ZNF506: variants seen among roughly 807,000 people sequenced by gnomAD.
ZNF506 encodes the protein zinc finger protein 506.
Under a neutral mutation model 11.6 loss-of-function variants are expected in ZNF506, and 10 were observed. That is an observed-to-expected ratio of 0.86 (90% CI 0.53 to 1.46). The LOEUF is 1.46. Among genes scored for constraint, ZNF506 ranks in the 40% most tolerant of loss-of-function variants. ZNF506 has a pLI of 0.00. For missense variants in ZNF506, 425 were observed against 521.2 expected, an observed-to-expected ratio of 0.82 and a Z score of 1.80; for synonymous variants, 156 against 173.3, an observed-to-expected ratio of 0.90 and a Z score of 0.78.
chr19:19,796,111 G>A (rs375667596), intron 3 of ZNF506: 14 of 179,780 alleles, frequency 7.8e-5, no homozygotes, highest in Admixed American at 2.3e-4. Context: ...GTGAAACCCC[G>A]TCTCTACAAA....
intron 1 of ZNF506, among the ~76,000 whole-genome samples, chr19:19,810,896 G>A (rs1282275545): frequency 6.6e-6 from 1 of 151,948 alleles, no homozygotes; most frequent in East Asian, 1.9e-4. Flanking sequence ...AATCAGTTCT[G>A]TGAGGCAAGA....
At chr19:19,805,970 C>G in intron 3 of ZNF506, 61 bp downstream of exon 3, 1 of 1,394,288 alleles carries the variant, frequency 7.2e-7, no homozygotes, top group Non-Finnish European at 9.9e-7. Flanking sequence ...GACTCGCTTT[C>G]TCTTTGACCT....
rs1227600748 is a variant in ZNF506 at position 19,795,482 on chromosome 19, T to C, written c.405A>G (p.Gln135=). 1 of 1,595,526 alleles carries C rather than the reference T, an allele frequency of 6.3e-7. No homozygotes were observed. Among genetic ancestry groups the C allele is most frequent in the Non-Finnish European group, 8.5e-7 (1 of 1,173,368 alleles). ...TTTTTCTCTGGGTAGTTGCCAAACATTGTTTAAGTCCATTATAACCTCTTT... is the reference window on the plus strand; with the variant it reads ...TTTTTCTCTGGGTAGTTGCCAAACACTGTTTAAGTCCATTATAACCTCTTT... ...VHKRGYNGLK[Q]CLATTQRKIF... The change falls in exon 4 of 4, where the codon CAA becomes CAG. Residue 135 remains glutamine (Q), a synonymous_variant. Coordinates refer to ENST00000540806, the MANE Select transcript of ZNF506 (RefSeq NM_001099269.3).
chr19:19,814,532 G>T (rs1350293577), intron 1 of ZNF506, among the ~76,000 whole-genome samples: 1 of 151,952 alleles, frequency 6.6e-6, no homozygotes, highest in Admixed American at 6.6e-5. Flanking sequence ...AAGACACTGA[G>T]GCCTAGTTGA....
At chr19:19,814,181 G>T (rs2062908543) in intron 1 of ZNF506, among the ~76,000 whole-genome samples, 1 of 151,850 alleles carries the variant, frequency 6.6e-6, no homozygotes, top group South Asian at 2.1e-4. Flanking sequence ...GGCCAAGGGG[G>T]GTGGATCACA....
intron 1 of ZNF506, among the ~76,000 whole-genome samples, chr19:19,813,128 A>G (rs376688174): frequency 3.5e-4 from 53 of 152,168 alleles, no homozygotes; most frequent in Non-Finnish European, 1.3e-4. Flanking sequence ...TGGCCACATC[A>G]CCTGTCTTTA....
At chr19:19,802,483 TA>T (rs2062803334) in intron 3 of ZNF506, among the ~76,000 whole-genome samples, 3 of 151,940 alleles carry the variant, frequency 2.0e-5, no homozygotes, top group East Asian at 1.9e-4. Flanking sequence ...TATTGTTAAA[TA>T]AAAAATATAT....
At chr19:19,801,410 G>A (rs2062791252) in intron 3 of ZNF506, among the ~76,000 whole-genome samples, 1 of 151,392 alleles carries the variant, frequency 6.6e-6, no homozygotes. Flanking sequence ...CAGAAGAATC[G>A]CTTGAACCCA....
intron 3 of ZNF506, chr19:19,798,654 CAAAAAAAAAA>C (rs1169444252): frequency 1.5e-4 from 6 of 39,424 alleles, no homozygotes; most frequent in African/African-American, 2.0e-4. Context: ...GACTCCGTCT[CAAAAAAAAAA>C]AAAAAAAAAA....
intron 1 of ZNF506, among the ~76,000 whole-genome samples, chr19:19,807,352 A>G (rs1332724524): frequency 6.6e-6 from 1 of 152,232 alleles, no homozygotes; most frequent in Non-Finnish European, 1.5e-5. Context: ...TTTGAGTGGT[A>G]TATTTACATC....
rs199585964 is a variant in ZNF506 at position 19,795,578 on chromosome 19, A to C, written c.309T>G (p.Tyr103Ter). 6.3e-7 allele frequency: 1 copy of C among 1,586,252 alleles called. No homozygotes were observed. The highest frequency in any genetic ancestry group is 8.5e-7 in the Non-Finnish European group (1 of 1,169,994). ...DSFQKVILRR[Y>*]EKCRHDNLQL... ...GTAAATTGTCATGTCTACATTTTTCATATCTTCTTAGTATCACTTTTTGGA... is the reference window on the plus strand; with the variant it reads ...GTAAATTGTCATGTCTACATTTTTCCTATCTTCTTAGTATCACTTTTTGGA... Residue 103 changes from tyrosine (Y) to a stop codon, truncating the protein, a stop_gained, in exon 4 of 4, where the codon TAT (tyrosine) becomes TAG (stop). Transcript: ENST00000540806. LOFTEE classifies it low-confidence loss of function (END_TRUNC).
In ZNF506 at chr19:19,793,435, ACT is replaced by A. The variant is rs1325510870; in HGVS notation, c.*1115_*1116del. On this transcript the variant is annotated 3_prime_UTR_variant, in exon 4 of 4. Transcript: ENST00000540806. ...TTTCCAAATTCATTATATTTGCAGG[ACT>A]CTTCTCCAATATAAATTCCATGTTG... 6.6e-6 allele frequency among the ~76,000 whole-genome samples: 1 copy of A among 152,038 alleles called. No individual in the cohort carries two copies. Among genetic ancestry groups the A allele is most frequent in the Non-Finnish European group, 1.5e-5 (1 of 68,022 alleles).
chr19:19,812,298 G>A (rs1005430450), intron 1 of ZNF506, among the ~76,000 whole-genome samples: 5 of 152,238 alleles, frequency 3.3e-5, no homozygotes, highest in African/African-American at 1.2e-4. Flanking sequence ...GTCACCCTGG[G>A]CCGCTGGCCC....
intron 1 of ZNF506, among the ~76,000 whole-genome samples, chr19:19,807,457 C>G (rs2062844297): frequency 6.6e-6 from 1 of 151,988 alleles, no homozygotes; most frequent in Non-Finnish European, 1.5e-5. Context: ...AGCTGACGAC[C>G]TTGTTATGCA....
At chr19:19,818,079 C>T (rs545388198) in intron 1 of ZNF506, among the ~76,000 whole-genome samples, 10 of 152,032 alleles carry the variant, frequency 6.6e-5, no homozygotes, top group East Asian at 1.9e-4. Context: ...CAACCCCCCT[C>T]GGCCTCCCAA....
chr19:19,814,290 T>C (rs28680895), intron 1 of ZNF506, among the ~76,000 whole-genome samples: 4 of 151,626 alleles, frequency 2.6e-5, no homozygotes, highest in Non-Finnish European at 2.9e-5. Context: ...TGCCTGTAAT[T>C]CCAGCTACTC....
chr19:19,804,068 AG>A (rs1180164686), intron 3 of ZNF506, among the ~76,000 whole-genome samples: 2 of 152,214 alleles, frequency 1.3e-5, no homozygotes, highest in Non-Finnish European at 2.9e-5. Flanking sequence ...AAGCAACAAA[AG>A]CCAAAATAGA....
Position 19,794,712 on chromosome 19 carries a change from G to C in ZNF506, c.1175C>G (p.Thr392Ser). The C allele has an allele frequency of 6.2e-7, 1 of 1,613,940 alleles. No homozygotes were observed. The highest frequency in any genetic ancestry group is 8.5e-7 in the Non-Finnish European group (1 of 1,179,996). Residue 392 changes from threonine to serine, a missense_variant, in exon 4 of 4, where the codon ACT (threonine) becomes AGT (serine). Physicochemically the swap from Thr to Ser is moderately conservative, Grantham distance 58. Around this residue, in one of 3 missense-constraint regions of ZNF506, gnomAD observed 192 missense variants for 215.7 expected, o/e 0.89. Transcript: ENST00000540806. ...STLTEHKIIHTGEKPYKCEEC... is the reference protein window; with the variant it reads ...STLTEHKIIHSGEKPYKCEEC... ...TTCACATTTGTACGGTTTCTCTCCA[G>C]TATGAATTATCTTATGTTCAGTTAG... is the stretch of plus-strand genomic sequence containing the variant.
chr19:19,811,297 C>G (rs2062880702), intron 1 of ZNF506, among the ~76,000 whole-genome samples: 1 of 152,028 alleles, frequency 6.6e-6, no homozygotes, highest in Non-Finnish European at 1.5e-5. Flanking sequence ...GTAGCTAGAA[C>G]TACAGGTGTG....
Sources: allele counts gnomAD v4.1 joint callset (sites outside exome capture counted in the v4.1 genomes callset), GRCh38; gene constraint gnomAD v4.1.1; regional missense constraint gnomAD v4.1.1; transcripts MANE v1.5; gene names NCBI Gene and HGNC (gene_info 2026-07-23, HGNC 2026-07-21).